The following PPFIA1 variants were observed in gnomAD, a reference collection of about 807,000 sequenced individuals.
PPFIA1 encodes the protein liprin-alpha-1.
Under a neutral mutation model 149.9 loss-of-function variants are expected in PPFIA1, and 25 were observed. That is an observed-to-expected ratio of 0.17 (90% confidence interval 0.12 to 0.23). The LOEUF is 0.23. PPFIA1 is among the 10% of genes least tolerant of loss of function. The pLI, the probability that PPFIA1 is intolerant of heterozygous loss-of-function variation, is 1.00. For synonymous variants in PPFIA1, 549 were observed against 552.8 expected (o/e 0.99, Z 0.10); for missense variants, 1,362 against 1,506.5 (o/e 0.90, Z 1.59).
At chr11:70,292,766 C>T (rs1376709461) in intron 2 of PPFIA1, among the ~76,000 whole-genome samples, 1 of 152,132 alleles carries the variant, frequency 6.6e-6, no homozygotes, top group Non-Finnish European at 1.5e-5. Flanking sequence ...CTCAGGATCC[C>T]ATAGATATTA....
intron 2 of PPFIA1, among the ~76,000 whole-genome samples, chr11:70,284,489 C>T (rs1464385453): frequency 7.1e-6 from 1 of 140,694 alleles, no homozygotes; most frequent in East Asian, 1.9e-4. Flanking sequence ...CTCCTGCAGT[C>T]AGTGGTAGAG....
rs778146650 is a variant in PPFIA1 at position 70,375,042 on chromosome 11, C to A, written c.3264C>A (p.Phe1088Leu). The part of the protein sequence containing the change: ...HGALLALDET[F>L]DFSALALLLQ... ...CACTTCTGGCCTTAGATGAAACCTTCGACTTCAGTGCACTGGCACTGCTGT... is the reference window on the plus strand; with the variant it reads ...CACTTCTGGCCTTAGATGAAACCTTAGACTTCAGTGCACTGGCACTGCTGT... Residue 1088 changes from phenylalanine (F) to leucine (L), a missense_variant, in exon 24 of 28, where the codon TTC becomes TTA. By Grantham distance (22) the Phe-to-Leu change is conservative. Transcript: ENST00000253925. 6.8e-6 allele frequency: 11 copies of A among 1,613,744 alleles called. No individual in the cohort carries two copies. Among genetic ancestry groups the A allele is most frequent in the South Asian group, 2.2e-5 (2 of 91,002 alleles).
Position 70,343,790 on chromosome 11 carries a change from T to C in PPFIA1, c.1829T>C (p.Leu610Pro), listed in dbSNP as rs1277352900. The C allele has an allele frequency of 1.2e-6, 2 of 1,614,062 alleles. No individual in the cohort carries two copies. Among genetic ancestry groups the C allele is most frequent in the Non-Finnish European group, 1.7e-6 (2 of 1,180,044 alleles). ...GATGGTGAAGATGACAGGGACACTC[T>C]CCTCAGCTCAGTTGACCTGCTATCG... ...VSDGEDDRDTLLSSVDLLSPS... is the reference protein window; with the variant it reads ...VSDGEDDRDTPLSSVDLLSPS... Residue 610 changes from leucine to proline, a missense_variant, in exon 15 of 28, where the codon CTC becomes CCC. Transcript: ENST00000253925.
chr11:70,272,168 T>A lies in PPFIA1; in HGVS notation c.1-5T>A, dbSNP rs777332947. On this transcript the variant is annotated splice_polypyrimidine_tract_variant and splice_region_variant and intron_variant, in intron 1 of 27. Coordinates refer to ENST00000253925, the MANE Select transcript of PPFIA1 (RefSeq NM_003626.5). ...ATTACTGTAGCCTGGGTCTTTCATT[T>A]CAAGATGATGTGCGAGGTGATGCCG... 8.7e-6 allele frequency: 14 copies of A among 1,612,598 alleles called. No homozygotes were observed. Among genetic ancestry groups the A allele is most frequent in the Middle Eastern group, 1.9e-4 (1 of 5,188 alleles).
chr11:70,297,547 T>C (rs946542312), intron 2 of PPFIA1, among the ~76,000 whole-genome samples: 6 of 152,198 alleles, frequency 3.9e-5, no homozygotes, highest in African/African-American at 1.4e-4. Flanking sequence ...GTGAGAAGAA[T>C]GGATGAAATT....
intron 4 of PPFIA1, chr11:70,325,248 T>A: frequency 2.3e-6 from 1 of 435,548 alleles, no homozygotes; most frequent in Non-Finnish European, 3.9e-6. Context: ...CAAAAGTAAT[T>A]GTGGGCAAAA....
intron 5 of PPFIA1, among the ~76,000 whole-genome samples, 167 bp from the exon 6 acceptor site, chr11:70,326,095 C>T (rs901741507): frequency 1.3e-5 from 2 of 152,168 alleles, no homozygotes; most frequent in African/African-American, 4.8e-5. Flanking sequence ...TAAATTCCAT[C>T]TTCAATGATC....
intron 21 of PPFIA1, chr11:70,364,804 C>T (rs975639238): frequency 6.6e-6 from 1 of 152,174 alleles, no homozygotes; most frequent in Admixed American, 6.5e-5. Context: ...TCACATAAGG[C>T]AGACTCTTCA....
chr11:70,283,921 G>C (rs1378074464), intron 2 of PPFIA1: 1 of 485,678 alleles, frequency 2.1e-6, no homozygotes, highest in Non-Finnish European at 4.3e-6. Context: ...CCAAATGTTG[G>C]AAGTGTCCAG....
rs754312241 is a variant in PPFIA1, at chr11:70,354,467, G to A, written c.2315+15G>A. 2 of 1,595,256 alleles carry A rather than the reference G, an allele frequency of 1.3e-6. No individual in the cohort carries two copies. Among genetic ancestry groups the A allele is most frequent in the African/African-American group, 1.4e-5 (1 of 73,790 alleles). On this transcript the variant is annotated intron_variant, in intron 17 of 27. Coordinates refer to ENST00000253925, the MANE Select transcript of PPFIA1 (RefSeq NM_003626.5). The stretch of plus-strand genomic sequence containing the variant: ...GACATAAGGAAGTAAGGAGCCTGCA[G>A]CAGCCCCATGCAGAGCGCACCTGTC...
chr11:70,357,777 C>T lies in PPFIA1; in HGVS notation c.2582+1523C>T, dbSNP rs1227914603. Among the ~76,000 whole-genome samples the T allele has an allele frequency of 3.9e-5, 6 of 152,054 alleles. No individual in the cohort carries two copies. In the East Asian group the frequency reaches 7.7e-4, roughly 20 times the overall value. Reference sequence around the variant, plus strand: ...TAATTTTTTGTATTTTTAGTAGAGACGGGGTTTCACCATGTTAGCCAGGAT... The same window carrying T: ...TAATTTTTTGTATTTTTAGTAGAGATGGGGTTTCACCATGTTAGCCAGGAT... On this transcript the variant is annotated intron_variant, in intron 19 of 27. Coordinates refer to ENST00000253925, the MANE Select transcript of PPFIA1 (RefSeq NM_003626.5).
intron 2 of PPFIA1, among the ~76,000 whole-genome samples, chr11:70,297,029 A>G (rs1380177178): frequency 3.3e-5 from 5 of 152,206 alleles, no homozygotes; most frequent in African/African-American, 4.8e-5. Flanking sequence ...TCTGATAGTC[A>G]TTATTGAATG....
rs1565470347 is a variant in PPFIA1, at chr11:70,378,186, C to G, written c.3541C>G (p.Gln1181Glu). 1 of 1,613,932 alleles carries G rather than the reference C, an allele frequency of 6.2e-7. No homozygotes were observed. Among genetic ancestry groups the G allele is most frequent in the Admixed American group, 1.7e-5 (1 of 59,992 alleles). Residue 1181 changes from glutamine (Q) to glutamate (E), a missense_variant, in exon 26 of 28, where the codon CAG (glutamine) becomes GAG (glutamate). Physicochemically the swap from Gln to Glu is conservative, Grantham distance 29 (BLOSUM62 2). Around this residue, in one of 7 missense-constraint regions of PPFIA1, gnomAD observed 349 missense variants for 373.3 expected, o/e 0.93. Transcript: ENST00000253925. The stretch of plus-strand genomic sequence containing the variant: ...CCCCTCTATGCAGCCAAAGAAGATG[C>G]AGATGGACGGTATGTGATGGGTCAC... ...SSPSMQPKKM[Q>E]MDGNVSGTQR...
chr11:70,355,501 C>T (rs1193618541), intron 17 of PPFIA1, 138 bp from the exon 18 acceptor site: 9 of 834,050 alleles, frequency 1.1e-5, no homozygotes, highest in South Asian at 4.2e-5. Flanking sequence ...GGGAGTCTGC[C>T]TTTATCATGC....
At position 70,272,292 on chromosome 11, in the gene PPFIA1, G is replaced by A; in HGVS notation, c.120G>A (p.Met40Ile). The A allele has an allele frequency of 6.2e-7, 1 of 1,614,138 alleles. No homozygotes were observed. Among genetic ancestry groups the A allele is most frequent in the Non-Finnish European group, 8.5e-7 (1 of 1,180,022 alleles). Reference protein sequence around the residue: ...PDADSHFEQLMVSMLEERDRL... With the variant: ...PDADSHFEQLIVSMLEERDRL... ...CAGATTCACATTTTGAACAGTTGATGGTCTCCATGCTAGAAGAAAGGGACC... is the reference window on the plus strand; with the variant it reads ...CAGATTCACATTTTGAACAGTTGATAGTCTCCATGCTAGAAGAAAGGGACC... The change falls in exon 2 of 28, where the codon ATG becomes ATA. Residue 40 changes from methionine to isoleucine, a missense_variant. By Grantham distance (10) the Met-to-Ile change is conservative. Around this residue, in one of 7 missense-constraint regions of PPFIA1, gnomAD observed 100 missense variants for 106.2 expected, o/e 0.94. Transcript: ENST00000253925.
At chr11:70,273,547 C>T (rs1005274223) in intron 2 of PPFIA1, among the ~76,000 whole-genome samples, 6 of 152,180 alleles carry the variant, frequency 3.9e-5, no homozygotes, top group African/African-American at 9.7e-5. Context: ...CATTTATACT[C>T]GCATGATGGG....
chr11:70,300,162 C>G (rs1364284821), intron 2 of PPFIA1, among the ~76,000 whole-genome samples: 1 of 151,948 alleles, frequency 6.6e-6, no homozygotes, highest in Non-Finnish European at 1.5e-5. Flanking sequence ...TCTGCCCCTT[C>G]CCATAGGCCT....
Position 70,343,833 on chromosome 11 carries a change from C to T in PPFIA1, c.1872C>T (p.Asp624=), listed in dbSNP as rs3740717. ...VDLLSPSGQA[D]AHTLAMMLQE... ...TGCTATCGCCCAGCGGGCAGGCCGA[C>T]GCGCACACACTAGCCATGATGCTTC... Residue 624 remains aspartate, a synonymous_variant, in exon 15 of 28, where the codon GAC becomes GAT. Transcript: ENST00000253925. 1.4e-4 allele frequency: 232 copies of T among 1,614,136 alleles called. 2 individuals are homozygous for T. The East Asian group carries it at 3.9e-3, about 27-fold the overall frequency.
Position 70,336,551 on chromosome 11 carries a change from T to C in PPFIA1, c.1429-814T>C, listed in dbSNP as rs1352445359. ...AATTTCTGTCTCATTTATAAATAGG[T>C]CACTTAGGTTGTATCGTGTACTAGA... On this transcript the variant is annotated intron_variant, in intron 11 of 27. Coordinates refer to ENST00000253925, the MANE Select transcript of PPFIA1 (RefSeq NM_003626.5). 4.0e-5 allele frequency among the ~76,000 whole-genome samples: 6 copies of C among 151,410 alleles called. No individual in the cohort carries two copies. The East Asian group carries it at 1.2e-3, about 29-fold the overall frequency.
Sources: allele counts gnomAD v4.1 joint callset (sites outside exome capture counted in the v4.1 genomes callset), GRCh38; gene constraint gnomAD v4.1.1; regional missense constraint gnomAD v4.1.1; transcripts MANE v1.5; gene names NCBI Gene and HGNC (gene_info 2026-07-23, HGNC 2026-07-21).